Variants in PEX14 observed in about 807,000 individuals in gnomAD.
PEX14 encodes the protein peroxisomal membrane protein PEX14.
PEX14 carries 15 observed loss-of-function variants against 49.5 expected under a neutral mutation model. The ratio of observed to expected loss-of-function variants is 0.30; its 90% CI spans 0.20 to 0.47. The LOEUF (loss-of-function observed/expected upper bound fraction) is 0.47. Among genes scored for constraint, PEX14 ranks in the 20% least tolerant of loss-of-function variants. The pLI is 1.00. For missense variants in PEX14, 398 were observed against 494.8 expected, an observed-to-expected ratio of 0.80 and a Z score of 1.86; for synonymous variants, 210 against 212.7, an observed-to-expected ratio of 0.99 and a Z score of 0.11.
Position 10,622,800 on chromosome 1 carries a change from C to T in PEX14, c.385-219C>T, listed in dbSNP as rs75827648. Among the ~76,000 whole-genome samples, 8,346 of 152,318 alleles carry T rather than the reference C, an allele frequency of 0.055. 287 individuals are homozygous for T. The highest frequency in any genetic ancestry group is 0.15 in the South Asian group (710 of 4,822). ...AGATCCAGCTGACTCTCCCTGTCCA[C>T]GTTCCCTCCTGGTCCTTGTCCTTAT... On this transcript the variant is annotated intron_variant, in intron 5 of 8. Transcript: ENST00000356607.
At chr1:10,497,679 A>G (rs752954817) in intron 2 of PEX14, among the ~76,000 whole-genome samples, 2 of 152,230 alleles carry the variant, frequency 1.3e-5, no homozygotes, top group Non-Finnish European at 2.9e-5. Flanking sequence ...CAGAGCAGGA[A>G]GAGCTCTGCG....
intron 1 of PEX14, among the ~76,000 whole-genome samples, chr1:10,490,015 TG>T (rs1311897460): frequency 2.6e-5 from 4 of 152,156 alleles, no homozygotes; most frequent in African/African-American, 4.8e-5. Context: ...GGAAGTGCAT[TG>T]GTTGACTTTG....
chr1:10,570,847 G>GTTTTTTTT (rs1557850830), intron 3 of PEX14, among the ~76,000 whole-genome samples: 1 of 63,078 alleles, frequency 1.6e-5, no homozygotes, highest in African/African-American at 4.2e-5. Context: ...ATGTCAACAG[G>GTTTTTTTT]GTTTTTTTTT....
chr1:10,585,764 T>C (rs4846239), intron 3 of PEX14, among the ~76,000 whole-genome samples: 146,860 of 152,318 alleles, frequency 0.96, 71,026 homozygotes, highest in East Asian at 1. Context: ...TATGCAGTGG[T>C]GCATGCCTGT....
rs1641664449 is a variant in PEX14, at chr1:10,623,808, A to G, written c.488-532A>G. Among the ~76,000 whole-genome samples the G allele has an allele frequency of 6.6e-6, 1 of 152,168 alleles. No homozygotes were observed. The highest frequency in any genetic ancestry group is 2.4e-5 in the African/African-American group (1 of 41,432). On this transcript the variant is annotated intron_variant, in intron 6 of 8. Coordinates refer to ENST00000356607, the MANE Select transcript of PEX14 (RefSeq NM_004565.3). This position sits in a 1 kb window ranked among gnomAD's most constrained non-coding sequence, Gnocchi z 4.4. ...TGCCGTTTGCTCCTGCGAGGCTGACATTGGTGGCAACAAGGTCCTGAGGGG... is the reference window on the plus strand; with the variant it reads ...TGCCGTTTGCTCCTGCGAGGCTGACGTTGGTGGCAACAAGGTCCTGAGGGG...
At chr1:10,479,610 G>C (rs182037349) in intron 1 of PEX14, among the ~76,000 whole-genome samples, 1 of 152,170 alleles carries the variant, frequency 6.6e-6, no homozygotes, top group Admixed American at 6.6e-5. Flanking sequence ...TGAGTATCGA[G>C]TATTATTGCA....
At chr1:10,541,530 T>C (rs1287901817) in intron 3 of PEX14, among the ~76,000 whole-genome samples, 1 of 152,214 alleles carries the variant, frequency 6.6e-6, no homozygotes, top group Non-Finnish European at 1.5e-5. Context: ...AGCGAGGAGC[T>C]GCTCGTGCGG....
At chr1:10,604,612 A>C (rs778709672) in intron 4 of PEX14, among the ~76,000 whole-genome samples, 2 of 152,110 alleles carry the variant, frequency 1.3e-5, no homozygotes, top group African/African-American at 4.8e-5. Context: ...CCCTGCCTCT[A>C]AAAAACCAAA....
chr1:10,478,244 C>CTAT (rs1160008116), intron 1 of PEX14, among the ~76,000 whole-genome samples: 7 of 152,014 alleles, frequency 4.6e-5, no homozygotes, highest in Non-Finnish European at 1.0e-4. Flanking sequence ...AATGTGTTGT[C>CTAT]TATTATTATT....
chr1:10,507,604 C>T (rs1446439749), intron 2 of PEX14, among the ~76,000 whole-genome samples: 5 of 152,168 alleles, frequency 3.3e-5, no homozygotes, highest in Admixed American at 2.0e-4. Context: ...TGCTATGCCC[C>T]TGGTAGCTTC....
chr1:10,477,330 A>T (rs1244651679), intron 1 of PEX14, among the ~76,000 whole-genome samples: 1 of 152,186 alleles, frequency 6.6e-6, no homozygotes, highest in Non-Finnish European at 1.5e-5. Flanking sequence ...TCAGCCTCCC[A>T]AAGTGCTGGG....
At position 10,543,773 on chromosome 1, in the gene PEX14, G is replaced by GT. The variant is rs377087251; in HGVS notation, c.169+7483dup. ...AGGCACGTGCCACCACACCTGGTGAGTTTTTTTGTAGAGACAGGGTCTCAC... is the reference window on the plus strand; with the variant it reads ...AGGCACGTGCCACCACACCTGGTGAGTTTTTTTTGTAGAGACAGGGTCTCAC... On this transcript the variant is annotated intron_variant, in intron 3 of 8. Transcript: ENST00000356607. Among the ~76,000 whole-genome samples the GT allele has an allele frequency of 3.0e-3, 458 of 152,182 alleles. 2 individuals are homozygous for GT. The highest frequency in any genetic ancestry group is 0.01 in the African/African-American group (418 of 41,520).
chr1:10,499,657 C>T (rs1286740933), intron 2 of PEX14, among the ~76,000 whole-genome samples: 1 of 152,034 alleles, frequency 6.6e-6, no homozygotes, highest in African/African-American at 2.4e-5. Context: ...CCATGTTGGC[C>T]AGGATGGTCT....
At chr1:10,558,605 T>A (rs1439253355) in intron 3 of PEX14, among the ~76,000 whole-genome samples, 1 of 151,758 alleles carries the variant, frequency 6.6e-6, no homozygotes, top group African/African-American at 2.4e-5. Context: ...GGCATGGTGG[T>A]ACACACCTGT....
intron 1 of PEX14, among the ~76,000 whole-genome samples, chr1:10,481,202 A>G (rs1469437754): frequency 6.7e-6 from 1 of 148,992 alleles, no homozygotes. Context: ...CAGTGGTGCA[A>G]TCTTGGCTCA....
At chr1:10,626,880 GGT>G (rs1641763433) in intron 7 of PEX14, among the ~76,000 whole-genome samples, 1 of 152,236 alleles carries the variant, frequency 6.6e-6, no homozygotes. Context: ...AAAGGGGAAA[GGT>G]GTGCATGGAA....
At chr1:10,498,478 A>G (rs1262488902) in intron 2 of PEX14, among the ~76,000 whole-genome samples, 1 of 152,192 alleles carries the variant, frequency 6.6e-6, no homozygotes, top group Non-Finnish European at 1.5e-5. Context: ...TGAATCATAA[A>G]AACTGTCTCG....
intron 3 of PEX14, among the ~76,000 whole-genome samples, chr1:10,588,152 T>C (rs1640557047): frequency 6.6e-6 from 1 of 151,540 alleles, no homozygotes; most frequent in Non-Finnish European, 1.5e-5. Flanking sequence ...CCCAGGAGGC[T>C]AAGGTTGCAG....
intron 2 of PEX14, among the ~76,000 whole-genome samples, chr1:10,496,008 G>C (rs553905814): frequency 6.6e-6 from 1 of 152,296 alleles, no homozygotes; most frequent in African/African-American, 2.4e-5. Flanking sequence ...TAACTTTTCA[G>C]AGCTTTTTCT....
Sources: allele counts gnomAD v4.1 joint callset (sites outside exome capture counted in the v4.1 genomes callset), GRCh38; gene constraint gnomAD v4.1.1; non-coding constraint Gnocchi (gnomAD v3.1); transcripts MANE v1.5; gene names NCBI Gene and HGNC (gene_info 2026-07-23, HGNC 2026-07-21).